Variants in ELMO1 observed in about 807,000 individuals in gnomAD.
ELMO1 encodes the protein engulfment and cell motility protein 1.
Under a neutral mutation model 98.9 loss-of-function variants are expected in ELMO1, and 26 were observed. The ratio of observed to expected loss-of-function variants is 0.26; its 90% confidence interval spans 0.19 to 0.36. The LOEUF is 0.36. Ranked by LOEUF, ELMO1 falls within the 10% of genes least tolerant of loss-of-function variation. ELMO1 has a pLI of 1.00. For synonymous variants in ELMO1, 346 were observed against 346.0 expected, an observed-to-expected ratio of 1.00 and a Z score of 0.00; for missense variants, 627 against 935.2, an observed-to-expected ratio of 0.67 and a Z score of 4.30.
At chr7:36,917,576 C>G (rs1047280271) in intron 16 of ELMO1, among the ~76,000 whole-genome samples, 28 of 152,088 alleles carry the variant, frequency 1.8e-4, no homozygotes, top group African/African-American at 6.8e-4. Flanking sequence ...AGAATTGAAA[C>G]AATTAAATGT....
chr7:37,123,830 A>G (rs2129290269), intron 14 of ELMO1, among the ~76,000 whole-genome samples: 1 of 152,324 alleles, frequency 6.6e-6, no homozygotes, highest in South Asian at 2.1e-4. Flanking sequence ...CAGAGACACA[A>G]CAAAAAAAGA....
chr7:37,403,444 G>C (rs896641567), intron 1 of ELMO1, among the ~76,000 whole-genome samples: 3 of 152,184 alleles, frequency 2.0e-5, no homozygotes, highest in African/African-American at 2.4e-5. Flanking sequence ...AGGACGGTAG[G>C]GGGGTGCATA....
chr7:36,954,661 T>C (rs1788293349), intron 16 of ELMO1, among the ~76,000 whole-genome samples: 1 of 152,184 alleles, frequency 6.6e-6, no homozygotes, highest in South Asian at 2.1e-4. Flanking sequence ...CCTGCATTTT[T>C]TCTCAGAAGG....
chr7:37,077,279 G>C (rs1797633032), intron 15 of ELMO1, among the ~76,000 whole-genome samples: 1 of 152,220 alleles, frequency 6.6e-6, no homozygotes, highest in Non-Finnish European at 1.5e-5. Context: ...CAGGTCTCAG[G>C]GAGCTGTGCC....
intron 13 of ELMO1, among the ~76,000 whole-genome samples, chr7:37,187,621 C>G (rs1022608237): frequency 1.3e-5 from 2 of 152,038 alleles, no homozygotes; most frequent in African/African-American, 2.4e-5. Flanking sequence ...TTACTATAAC[C>G]AGTTTTTTAT....
intron 1 of ELMO1, among the ~76,000 whole-genome samples, chr7:37,368,674 G>A (rs1801994879): frequency 1.3e-5 from 2 of 152,054 alleles, no homozygotes; most frequent in Admixed American, 1.3e-4. Flanking sequence ...TTCTCCTAAG[G>A]GCAACTCTCA....
intron 13 of ELMO1, among the ~76,000 whole-genome samples, chr7:37,138,112 G>A (rs1417928776): frequency 6.6e-6 from 1 of 152,076 alleles, no homozygotes; most frequent in Non-Finnish European, 1.5e-5. Context: ...AGGATTAAAT[G>A]CCTACATCGG....
intron 15 of ELMO1, among the ~76,000 whole-genome samples, chr7:37,061,966 T>C (rs759145664): frequency 3.3e-5 from 5 of 152,178 alleles, no homozygotes; most frequent in Non-Finnish European, 7.3e-5. Context: ...TGGACACAGA[T>C]AAACCCTGGC....
chr7:37,419,943 T>G (rs1804400891), intron 1 of ELMO1, among the ~76,000 whole-genome samples: 1 of 152,234 alleles, frequency 6.6e-6, no homozygotes, highest in Non-Finnish European at 1.5e-5. Flanking sequence ...ATATGCATTT[T>G]CCCTTGCACA....
chr7:36,923,067 C>T (rs1785270634), intron 16 of ELMO1, among the ~76,000 whole-genome samples: 1 of 152,198 alleles, frequency 6.6e-6, no homozygotes, highest in Non-Finnish European at 1.5e-5. Flanking sequence ...TAGGCTCTCT[C>T]AAGTTCCAGT....
chr7:37,364,984 C>T (rs368862548), intron 1 of ELMO1, among the ~76,000 whole-genome samples: 5 of 152,256 alleles, frequency 3.3e-5, no homozygotes, highest in Admixed American at 6.5e-5. Context: ...GTTAGAAATG[C>T]GAGTGGGCTT....
At chr7:37,258,217 G>A (rs1273146797) in intron 6 of ELMO1, among the ~76,000 whole-genome samples, 2 of 151,958 alleles carry the variant, frequency 1.3e-5, no homozygotes, top group African/African-American at 2.4e-5. Context: ...GCAGTGAACC[G>A]AGATCGTCCC....
rs71780142 is a variant in ELMO1 at position 37,171,483 on chromosome 7, A to ATTTTTTT, written c.1087-38256_1087-38250dup. On this transcript the variant is annotated intron_variant, in intron 13 of 21. Transcript: ENST00000310758. ...TTTATTCTTGTAACCAGGCCTTTCT[A>ATTTTTTT]TTTTTTTTTTTTTTTTTTTTTTTTT... 2.5e-3 allele frequency among the ~76,000 whole-genome samples: 209 copies of ATTTTTTT among 82,932 alleles called. 39 individuals carry two copies. The highest frequency in any genetic ancestry group is 3.7e-3 in the Non-Finnish European group (166 of 44,658). 54.4% of individuals were successfully genotyped at this position (82,932 alleles called of 152,430 possible). A position where few individuals can be genotyped will look rare whatever the true frequency, so the allele number is the denominator to read the frequency against.
chr7:36,985,899 T>G, intron 16 of ELMO1: 1 of 1,001,362 alleles, frequency 1.0e-6, no homozygotes, highest in African/African-American at 1.7e-5. Flanking sequence ...GGTGGACACA[T>G]GTGTGAGACG....
chr7:37,266,489 G>A (rs935235142), intron 5 of ELMO1, among the ~76,000 whole-genome samples: 1 of 152,140 alleles, frequency 6.6e-6, no homozygotes, highest in African/African-American at 2.4e-5. Context: ...GGGACTTGAT[G>A]AGCAGTTCTG....
chr7:36,986,763 T>G (rs1450844340), intron 16 of ELMO1, among the ~76,000 whole-genome samples: 1 of 152,118 alleles, frequency 6.6e-6, no homozygotes, highest in Non-Finnish European at 1.5e-5. Context: ...TACCTTGCCA[T>G]GTACACACAA....
At chr7:37,296,517 C>A (rs1162155766) in intron 4 of ELMO1, among the ~76,000 whole-genome samples, 1 of 152,210 alleles carries the variant, frequency 6.6e-6, no homozygotes, top group African/African-American at 2.4e-5. Context: ...CCTACAAAAT[C>A]CTCGTTGCCA....
intron 1 of ELMO1, among the ~76,000 whole-genome samples, chr7:37,382,283 T>C (rs1247622457): frequency 6.6e-6 from 1 of 152,202 alleles, no homozygotes; most frequent in African/African-American, 2.4e-5. Context: ...CAGACATACA[T>C]AAATATTCCA....
chr7:36,916,902 C>T (rs1784730492), intron 16 of ELMO1, among the ~76,000 whole-genome samples: 1 of 152,204 alleles, frequency 6.6e-6, no homozygotes. Flanking sequence ...AGTGAAATGG[C>T]TCAATTTGGG....
Sources: gnomAD v4.1 joint callset for allele counts (sites outside exome capture counted in the v4.1 genomes callset) on GRCh38, gnomAD v4.1.1 for gene constraint, MANE v1.5 for transcripts, NCBI Gene and HGNC (gene_info 2026-07-23, HGNC 2026-07-21) for gene names.